CALHM4: variants seen among roughly 807,000 people sequenced by gnomAD.
The protein encoded by CALHM4 is calcium homeostasis modulator family member 4, also known as calcium homeostasis modulator protein 4.
CALHM4 carries 16 observed loss-of-function variants against 13.3 expected under a neutral mutation model. That is an observed-to-expected ratio of 1.20 (90% CI 0.81 to 1.82). CALHM4 has a LOEUF of 1.82. Among genes scored for constraint, CALHM4 ranks in the 40% most tolerant of loss-of-function variants. CALHM4 has a pLI of 0.00. For synonymous variants in CALHM4, 127 were observed against 137.1 expected (o/e 0.93, Z 0.52); for missense variants, 344 against 374.9 (o/e 0.92, Z 0.68).
chr6:116,544,151 A>AG (rs1554238329), intron 2 of CALHM4, among the ~76,000 whole-genome samples: 1 of 132,918 alleles, frequency 7.5e-6, no homozygotes, highest in South Asian at 2.5e-4. Flanking sequence ...AAAGGTGAAG[A>AG]AGAGAGAGAG....
At chr6:116,540,381 A>C in intron 1 of CALHM4, 4 of 1,551,212 alleles carry the variant, frequency 2.6e-6, no homozygotes, top group Non-Finnish European at 3.5e-6. Context: ...TTATGTCTAT[A>C]ATTTCTGAAT....
At chr6:116,530,654 G>A (rs1415020275) in intron 1 of CALHM4, among the ~76,000 whole-genome samples, 2 of 151,980 alleles carry the variant, frequency 1.3e-5, no homozygotes, top group Non-Finnish European at 2.9e-5. Context: ...CATTAACAAT[G>A]TGGTTTCACT....
In CALHM4 at chr6:116,560,192, G is replaced by C. The variant is rs368580561; in HGVS notation, c.*1981G>C. Among the ~76,000 whole-genome samples the C allele has an allele frequency of 9.1e-4, 138 of 152,146 alleles. No homozygotes were observed. Among genetic ancestry groups the C allele is most frequent in the African/African-American group, 3.3e-3 (135 of 41,500 alleles). On this transcript the variant is annotated 3_prime_UTR_variant, in exon 2 of 2. Transcript: ENST00000368596. ...AACTGATAATTTTTTATATTCTTCTGTATTGGAACATACTAGTTAAATGAA... is the reference window on the plus strand; with the variant it reads ...AACTGATAATTTTTTATATTCTTCTCTATTGGAACATACTAGTTAAATGAA...
At chr6:116,541,031 A>G (rs1368880204) in intron 1 of CALHM4, among the ~76,000 whole-genome samples, 1 of 152,104 alleles carries the variant, frequency 6.6e-6, no homozygotes. Context: ...AAGTTCAGAA[A>G]ACTCATTTTT....
At chr6:116,543,105 G>GA (rs1457915642) in intron 1 of CALHM4, among the ~76,000 whole-genome samples, 11 of 152,012 alleles carry the variant, frequency 7.2e-5, no homozygotes, top group African/African-American at 1.7e-4. Flanking sequence ...ATATTTGTAG[G>GA]AAAAAAATCC....
chr6:116,553,101 A>G (rs1381086955), upstream of CALHM4, among the ~76,000 whole-genome samples: 4 of 152,222 alleles, frequency 2.6e-5, no homozygotes, highest in South Asian at 6.2e-4. Context: ...CAAAACAAAT[A>G]TCACATTTTC....
intron 2 of CALHM4, among the ~76,000 whole-genome samples, chr6:116,544,686 TG>T (rs1229023149): frequency 1.3e-5 from 2 of 152,102 alleles, no homozygotes; most frequent in Non-Finnish European, 2.9e-5. Flanking sequence ...TTTTAGCACT[TG>T]AGAGTCCCAC....
At chr6:116,540,314 G>C (rs1241207079) in intron 1 of CALHM4, 29 of 1,515,636 alleles carry the variant, frequency 1.9e-5, no homozygotes, top group Non-Finnish European at 2.5e-5. Flanking sequence ...TACTCAAAAA[G>C]AATCAGAGAT....
chr6:116,541,577 T>G (rs1773463726), intron 1 of CALHM4, among the ~76,000 whole-genome samples: 1 of 152,228 alleles, frequency 6.6e-6, no homozygotes, highest in African/African-American at 2.4e-5. Context: ...ATATCCTATT[T>G]ATATTTCTGA....
upstream of CALHM4, among the ~76,000 whole-genome samples, chr6:116,553,455 T>C (rs1026742419): frequency 2.6e-5 from 4 of 152,212 alleles, no homozygotes; most frequent in African/African-American, 9.6e-5. Flanking sequence ...TATTTGCTGG[T>C]GCTCAGCATT....
At chr6:116,546,942 A>G (rs569678513) in intron 2 of CALHM4, among the ~76,000 whole-genome samples, 1 of 152,324 alleles carries the variant, frequency 6.6e-6, no homozygotes, top group Admixed American at 6.5e-5. Flanking sequence ...ACAGTTTACA[A>G]CATGGTTTTC....
rs193074094 is a variant in CALHM4 at position 116,553,875 on chromosome 6, A to G, written c.82A>G (p.Ile28Val). 2.6e-4 allele frequency: 399 copies of G among 1,550,582 alleles called. No homozygotes were observed. Among genetic ancestry groups the G allele is most frequent in the Admixed American group, 2.0e-4 (10 of 50,994 alleles). The change falls in exon 1 of 2, where the codon ATT becomes GTT. Residue 28 changes from isoleucine (I) to valine (V), a missense_variant. Coordinates refer to ENST00000368596, the MANE Select transcript of CALHM4 (RefSeq NM_001366078.2). ...CAATTCTTTAATTGCAGCCTTGACT[A>G]TTGGTGGGCAACAACTCTTCTCCTC... The part of the protein sequence containing the change: ...FINSLIAALT[I>V]GGQQLFSSST...
chr6:116,557,752 C>T (rs1583319691), intron 1 of CALHM4, 73 bp from the exon 2 acceptor site: 4 of 1,507,646 alleles, frequency 2.7e-6, no homozygotes, highest in Non-Finnish European at 2.7e-6. Flanking sequence ...TAGGAATCCC[C>T]CCTCCCATGG....
At chr6:116,534,849 A>G (rs1461334185) in intron 1 of CALHM4, among the ~76,000 whole-genome samples, 1 of 152,168 alleles carries the variant, frequency 6.6e-6, no homozygotes, top group Non-Finnish European at 1.5e-5. Context: ...TTAGATGCTG[A>G]TTTTTTAAAC....
At position 116,558,034 on chromosome 6, in the gene CALHM4, C is replaced by G; in HGVS notation, c.768C>G (p.Pro256=). 2 of 1,614,134 alleles carry G rather than the reference C, an allele frequency of 1.2e-6. No homozygotes were observed. ...TAAAGAAGCTATTTGGCTTCATTCC[C>G]GGGAGTGAAGACGTCAAACACATCC... ...HRIKKLFGFI[P]GSEDVKHIRI... Residue 256 remains proline (P), a synonymous_variant, in exon 2 of 2, where the codon CCC becomes CCG. Transcript: ENST00000368596.
At chr6:116,529,603 C>T (rs77972578) in intron 1 of CALHM4, among the ~76,000 whole-genome samples, 3,837 of 152,240 alleles carry the variant, frequency 0.025, 76 homozygotes, top group Middle Eastern at 0.095. Flanking sequence ...GCACAGAACC[C>T]CCTCTCCATG....
chr6:116,543,711 A>G, intron 1 of CALHM4: 2 of 995,856 alleles, frequency 2.0e-6, no homozygotes, highest in South Asian at 3.0e-5. Flanking sequence ...TAAAAATACT[A>G]ATTTCTAACA....
At chr6:116,551,538 A>G (rs1224344299), upstream of CALHM4, among the ~76,000 whole-genome samples, 5 of 151,766 alleles carry the variant, frequency 3.3e-5, no homozygotes, top group Non-Finnish European at 7.4e-5. Flanking sequence ...CATTACTTCA[A>G]TTGTTTTATC....
chr6:116,531,112 G>C (rs975031796), intron 1 of CALHM4, among the ~76,000 whole-genome samples: 2 of 151,946 alleles, frequency 1.3e-5, no homozygotes, highest in African/African-American at 4.8e-5. Flanking sequence ...TAATGGATTA[G>C]GGTGGGCATT....
Sources: allele counts gnomAD v4.1 joint callset (sites outside exome capture counted in the v4.1 genomes callset), GRCh38; gene constraint gnomAD v4.1.1; transcripts MANE v1.5; gene names NCBI Gene and HGNC (gene_info 2026-07-23, HGNC 2026-07-21).